The following TMEM131 variants were observed in gnomAD, a reference collection of about 807,000 sequenced individuals.
TMEM131 encodes the protein transmembrane protein 131.
Under a neutral mutation model 211.6 loss-of-function variants are expected in TMEM131, and 66 were observed. That is an observed-to-expected ratio of 0.31 (90% CI 0.26 to 0.38). TMEM131 has a LOEUF of 0.38. TMEM131 is among the 10% of genes least tolerant of loss of function. TMEM131 has a pLI of 1.00. For synonymous variants in TMEM131, 844 were observed against 841.3 expected (o/e 1.00, Z -0.06); for missense variants, 2,036 against 2,299.3 (o/e 0.89, Z 2.34).
At position 97,952,368 on chromosome 2, in the gene TMEM131, T is replaced by C. The variant is rs1559470977; in HGVS notation, c.188-24881A>G. Among the ~76,000 whole-genome samples the C allele has an allele frequency of 3.9e-5, 6 of 152,206 alleles. 1 individual carries two copies. The South Asian group carries it at 1.0e-3, about 26-fold the overall frequency. On this transcript the variant is annotated intron_variant, in intron 1 of 40. Coordinates refer to ENST00000186436, the MANE Select transcript of TMEM131 (RefSeq NM_015348.2). ...GAAAGACATAAACTTACAGAGCGAA[T>C]TCCAGATAGGATAAACCCAAAGAAA...
At chr2:97,978,284 T>G (rs1679633664) in intron 1 of TMEM131, among the ~76,000 whole-genome samples, 1 of 152,166 alleles carries the variant, frequency 6.6e-6, no homozygotes, top group Non-Finnish European at 1.5e-5. Context: ...CCTGAATCCT[T>G]TGCTGCCATT....
chr2:97,904,425 T>G (rs571889072), intron 3 of TMEM131, among the ~76,000 whole-genome samples: 1 of 152,184 alleles, frequency 6.6e-6, no homozygotes, highest in South Asian at 2.1e-4. Flanking sequence ...AAAGCAAATA[T>G]GAAAAAACAT....
In TMEM131 at chr2:97,766,238, T is replaced by A; in HGVS notation, c.4599A>T (p.Arg1533Ser). The A allele has an allele frequency of 6.2e-7, 1 of 1,614,042 alleles. No homozygotes were observed. Among genetic ancestry groups the A allele is most frequent in the Non-Finnish European group, 8.5e-7 (1 of 1,179,900 alleles). The change falls in exon 35 of 41, where the codon AGA becomes AGT. Residue 1533 changes from arginine to serine, a missense_variant. Around this residue, in one of 3 missense-constraint regions of TMEM131, gnomAD observed 1,623 missense variants for 1,805.9 expected, o/e 0.90. Coordinates refer to ENST00000186436, the MANE Select transcript of TMEM131 (RefSeq NM_015348.2). ...GGAGGAATTTTGCTAGGGCAGGTGGTCTGTTATCCACTAACTTACTTGTAC... is the reference window on the plus strand; with the variant it reads ...GGAGGAATTTTGCTAGGGCAGGTGGACTGTTATCCACTAACTTACTTGTAC... The part of the protein sequence containing the change: ...TKGTSKLVDN[R>S]PPALAKFLPN...
At chr2:97,910,628 T>C (rs1260222362) in intron 2 of TMEM131, among the ~76,000 whole-genome samples, 1 of 152,214 alleles carries the variant, frequency 6.6e-6, no homozygotes, top group East Asian at 1.9e-4. Context: ...CCAGCATCTG[T>C]CGTTTCCTGA....
intron 25 of TMEM131, among the ~76,000 whole-genome samples, chr2:97,801,246 CA>C (rs1258029117): frequency 7.9e-5 from 12 of 152,186 alleles, no homozygotes; most frequent in Non-Finnish European, 1.6e-4. Context: ...GCATGGTGGC[CA>C]AAAGGCTTGG....
chr2:97,786,614 G>A (rs1266248341), intron 31 of TMEM131, among the ~76,000 whole-genome samples: 3 of 152,208 alleles, frequency 2.0e-5, no homozygotes, highest in Non-Finnish European at 4.4e-5. Context: ...TCAGTGTGTG[G>A]AAGAACACTT....
intron 31 of TMEM131, among the ~76,000 whole-genome samples, chr2:97,780,777 C>T (rs1679957393): frequency 6.6e-6 from 1 of 152,180 alleles, no homozygotes; most frequent in Admixed American, 6.5e-5. Context: ...ACGGGAACCA[C>T]AACTTAACTG....
intron 1 of TMEM131, among the ~76,000 whole-genome samples, chr2:97,938,051 C>T (rs1044836703): frequency 9.2e-5 from 14 of 152,154 alleles, no homozygotes; most frequent in African/African-American, 2.2e-4. Context: ...AAGGAACAAC[C>T]GGTACCAGCC....
intron 3 of TMEM131, among the ~76,000 whole-genome samples, chr2:97,889,551 A>ATT (rs1675294575): frequency 6.1e-5 from 5 of 82,380 alleles, no homozygotes; most frequent in Admixed American, 5.8e-4. Flanking sequence ...ATTCCTATAT[A>ATT]ATATTATATT....
chr2:97,834,703 T>G (rs1212878850), intron 9 of TMEM131, 26 bp from the exon 10 acceptor site: 16 of 1,594,894 alleles, frequency 1.0e-5, no homozygotes. Flanking sequence ...AGTCAACAAT[T>G]ATTTTTCACT....
chr2:97,849,688 T>C (rs1373802069), intron 5 of TMEM131, among the ~76,000 whole-genome samples: 1 of 151,044 alleles, frequency 6.6e-6, no homozygotes, highest in Non-Finnish European at 1.5e-5. Flanking sequence ...TATATATGTG[T>C]GTGTCTGTGT....
At chr2:97,886,434 T>C (rs1221259637) in intron 4 of TMEM131, among the ~76,000 whole-genome samples, 2 of 152,168 alleles carry the variant, frequency 1.3e-5, no homozygotes, top group African/African-American at 2.4e-5. Context: ...CTTATTCTTA[T>C]AAATGGGTCT....
intron 2 of TMEM131, among the ~76,000 whole-genome samples, chr2:97,925,116 C>G (rs547812040): frequency 6.6e-6 from 1 of 152,170 alleles, no homozygotes; most frequent in Non-Finnish European, 1.5e-5. Flanking sequence ...AAGCGACTGA[C>G]CCGTCTCAGC....
chr2:97,762,222 G>A (rs765344682), intron 35 of TMEM131, 22 bp from the exon 36 acceptor site: 1 of 1,612,714 alleles, frequency 6.2e-7, no homozygotes, highest in Non-Finnish European at 8.5e-7. Flanking sequence ...AAACAAACGG[G>A]CTCGTTAGTG....
At chr2:97,928,456 G>C (rs1470798314) in intron 1 of TMEM131, among the ~76,000 whole-genome samples, 1 of 151,754 alleles carries the variant, frequency 6.6e-6, no homozygotes, top group East Asian at 1.9e-4. Context: ...CACAAAAAGT[G>C]AATCTAAATG....
chr2:97,783,320 C>A (rs1208044457), intron 31 of TMEM131, among the ~76,000 whole-genome samples: 5 of 151,722 alleles, frequency 3.3e-5, no homozygotes, highest in Non-Finnish European at 5.9e-5. Flanking sequence ...AAGGAAGTTA[C>A]CAAAACAGAA....
At chr2:97,868,315 T>C (rs1399872931) in intron 4 of TMEM131, among the ~76,000 whole-genome samples, 1 of 152,192 alleles carries the variant, frequency 6.6e-6, no homozygotes, top group African/African-American at 2.4e-5. Flanking sequence ...TATCTATCTA[T>C]CTATATATAA....
chr2:97,768,484 T>G (rs1288670727), intron 33 of TMEM131, among the ~76,000 whole-genome samples: 3 of 152,218 alleles, frequency 2.0e-5, no homozygotes, highest in Admixed American at 6.5e-5. Context: ...GCCAGACAAC[T>G]CCTGTTATTT....
intron 1 of TMEM131, among the ~76,000 whole-genome samples, chr2:97,942,921 A>G (rs779300621): frequency 6.6e-6 from 1 of 151,436 alleles, no homozygotes; most frequent in Non-Finnish European, 1.5e-5. Flanking sequence ...TAGGAGTTCA[A>G]CACCAGCCTG....
Sources: allele counts gnomAD v4.1 joint callset (sites outside exome capture counted in the v4.1 genomes callset), GRCh38; gene constraint gnomAD v4.1.1; regional missense constraint gnomAD v4.1.1; transcripts MANE v1.5; gene names NCBI Gene and HGNC (gene_info 2026-07-23, HGNC 2026-07-21).